Variants in SPINK2 observed in about 807,000 individuals in gnomAD.
The protein encoded by SPINK2 is serine peptidase inhibitor Kazal type 2.
Under a neutral mutation model 13.5 loss-of-function variants are expected in SPINK2, and 8 were observed. That is an observed-to-expected ratio of 0.59 (90% CI 0.35 to 1.07). The LOEUF (loss-of-function observed/expected upper bound fraction) is 1.07. Among genes scored for constraint, SPINK2 ranks in the 50% least tolerant of loss-of-function variants. The pLI is 0.02. For missense variants in SPINK2, 148 were observed against 180.3 expected, an observed-to-expected ratio of 0.82 and a Z score of 1.03; for synonymous variants, 76 against 74.7, an observed-to-expected ratio of 1.02 and a Z score of -0.09.
rs1364815458 is a variant in SPINK2 at position 56,810,306 on chromosome 4, AT to A, written c.360-123del. 40 of 809,512 alleles carry A rather than the reference AT, an allele frequency of 4.9e-5. 1 individual carries two copies. In the South Asian group the frequency reaches 7.0e-4, roughly 14 times the overall value. 50.1% of individuals were successfully genotyped at this position (809,512 alleles called of 1,614,324 possible). A position where few individuals can be genotyped will look rare whatever the true frequency, so the allele number is the denominator to read the frequency against. ...TTAGATTCCTTCCACAGCTACACTT[AT>A]TTAATCATTTTTTAAGCTAAATCTA... On this transcript the variant is annotated intron_variant, in intron 3 of 3. Coordinates refer to ENST00000506738, the MANE Select transcript of SPINK2 (RefSeq NM_001271718.2).
At position 56,811,675 on chromosome 4, in the gene SPINK2, A is replaced by T. The variant is rs1376963012; in HGVS notation, c.359+10T>A. ...AACTTGGCTAGTCTACAGCTGTAAA[A>T]TCATGTTACCTGATTTTCATGCACA... On this transcript the variant is annotated intron_variant, in intron 3 of 3. Transcript: ENST00000506738. 1 of 1,572,778 alleles carries T rather than the reference A, an allele frequency of 6.4e-7. No individual in the cohort carries two copies. Among genetic ancestry groups the T allele is most frequent in the Non-Finnish European group, 8.7e-7 (1 of 1,153,272 alleles).
intron 1 of SPINK2, among the ~76,000 whole-genome samples, chr4:56,821,103 C>A (rs1717898459): frequency 6.6e-6 from 1 of 152,242 alleles, no homozygotes; most frequent in Admixed American, 6.5e-5. Context: ...AAGGAAGTAA[C>A]CCTTAATTAA....
chr4:56,810,993 T>C (rs1358093133), intron 3 of SPINK2, among the ~76,000 whole-genome samples: 1 of 152,174 alleles, frequency 6.6e-6, no homozygotes, highest in Non-Finnish European at 1.5e-5. Flanking sequence ...GCAGAGTCAG[T>C]AAGTCCCACT....
At chr4:56,821,114 T>C (rs1717899186) in intron 1 of SPINK2, among the ~76,000 whole-genome samples, 1 of 152,356 alleles carries the variant, frequency 6.6e-6, no homozygotes, top group South Asian at 2.1e-4. Context: ...CCTTAATTAA[T>C]AGTTCATGAT....
At chr4:56,819,719 G>C (rs1717771448) in intron 2 of SPINK2, among the ~76,000 whole-genome samples, 1 of 151,346 alleles carries the variant, frequency 6.6e-6, no homozygotes, top group African/African-American at 2.4e-5. Flanking sequence ...AGGTTCAAGT[G>C]ATTCTCCTGC....
rs1717889533 is a variant in SPINK2, at chr4:56,820,947, A to ATT, written c.206-370_206-369dup. Reference sequence around the variant, plus strand: ...AGAAATAACATTTGGTTCTGTTCCCATTAGGGTTGGTTGAGAAAGGACTTT... The same window carrying ATT: ...AGAAATAACATTTGGTTCTGTTCCCATTTTAGGGTTGGTTGAGAAAGGACTTT... On this transcript the variant is annotated intron_variant, in intron 1 of 3. Transcript: ENST00000506738. 4.6e-5 allele frequency among the ~76,000 whole-genome samples: 7 copies of ATT among 152,278 alleles called. No individual in the cohort carries two copies. In the South Asian group the frequency reaches 1.4e-3, roughly 32 times the overall value.
Position 56,810,041 on chromosome 4 carries a change from T to C in SPINK2, c.*98A>G, listed in dbSNP as rs568686856. The C allele has an allele frequency of 1.4e-5, 22 of 1,537,530 alleles. No homozygotes were observed. The highest frequency in any genetic ancestry group is 8.7e-5 in the South Asian group (7 of 80,708). On this transcript the variant is annotated 3_prime_UTR_variant, in exon 4 of 4. Transcript: ENST00000506738. ...AGAAAATGTGTGTTAACAAATCTCA[T>C]GTAAAGAAACACAGGAAAAGAGAAA...
intron 2 of SPINK2, among the ~76,000 whole-genome samples, chr4:56,814,829 T>C (rs1019375437): frequency 6.6e-6 from 1 of 151,146 alleles, no homozygotes; most frequent in African/African-American, 2.4e-5. Flanking sequence ...GACATGGTGG[T>C]GGGCGCCTGT....
At chr4:56,821,434 A>G in intron 1 of SPINK2, 24 bp downstream of exon 1, 1 of 1,493,832 alleles carries the variant, frequency 6.7e-7, no homozygotes, top group Middle Eastern at 2.4e-4. Flanking sequence ...CCACCCCCAC[A>G]ACCCCCAGTT....
intron 2 of SPINK2, among the ~76,000 whole-genome samples, chr4:56,814,642 C>T (rs1468692365): frequency 6.6e-6 from 1 of 151,652 alleles, no homozygotes; most frequent in Non-Finnish European, 1.5e-5. Flanking sequence ...AAAGGAACCT[C>T]CAAAACTCTT....
At chr4:56,813,583 G>A (rs1170636532) in intron 2 of SPINK2, among the ~76,000 whole-genome samples, 1 of 151,864 alleles carries the variant, frequency 6.6e-6, no homozygotes, top group Non-Finnish European at 1.5e-5. Flanking sequence ...TGTGACATGG[G>A]CATGTGAGGA....
At position 56,821,634 on chromosome 4, in the gene SPINK2, A is replaced by C. The variant is rs1054693437; in HGVS notation, c.29T>G (p.Leu10Arg). The C allele has an allele frequency of 4.5e-6, 7 of 1,547,626 alleles. No homozygotes were observed. In the African/African-American group the frequency reaches 9.6e-5, roughly 21 times the overall value. MALSVLRLA[L>R]LLLAVTFAGS... ...TGCGAAGGTAACTGCCAGGAGCAGC[A>C]GCGCCAAGCGCAGCACCGACAGCGC... is the stretch of plus-strand genomic sequence containing the variant. The change falls in exon 1 of 4, where the codon CTG (leucine) becomes CGG (arginine). Residue 10 changes from leucine (L) to arginine (R), a missense_variant. Transcript: ENST00000506738.
intron 3 of SPINK2, 58 bp from the exon 4 acceptor site, chr4:56,810,242 A>C: frequency 6.9e-7 from 1 of 1,457,526 alleles, no homozygotes; most frequent in Non-Finnish European, 9.5e-7. Context: ...AAACTGTCTC[A>C]TTATTTGTGT....
Position 56,810,098 on chromosome 4 carries a change from T to C in SPINK2, c.*41A>G. On this transcript the variant is annotated 3_prime_UTR_variant, in exon 4 of 4. Coordinates refer to ENST00000506738, the MANE Select transcript of SPINK2 (RefSeq NM_001271718.2). Reference sequence around the variant, plus strand: ...AAATGCAATTTATCTAGTCTGCCAGTGAAGGTGGTCTCTCCATCTTCTTTT... The same window carrying C: ...AAATGCAATTTATCTAGTCTGCCAGCGAAGGTGGTCTCTCCATCTTCTTTT... 7 of 1,581,102 alleles carry C rather than the reference T, an allele frequency of 4.4e-6. No homozygotes were observed. The highest frequency in any genetic ancestry group is 6.0e-6 in the Non-Finnish European group (7 of 1,163,142).
In SPINK2 at chr4:56,810,114, A is replaced by G. The variant is rs1210009983; in HGVS notation, c.*25T>C. The G allele has an allele frequency of 3.1e-6, 5 of 1,599,326 alleles. No individual in the cohort carries two copies. Among genetic ancestry groups the G allele is most frequent in the Non-Finnish European group, 4.3e-6 (5 of 1,172,434 alleles). ...GTCTGCCAGTGAAGGTGGTCTCTCC[A>G]TCTTCTTTTCTGTAAACTGCTCCAT... On this transcript the variant is annotated 3_prime_UTR_variant, in exon 4 of 4. Coordinates refer to ENST00000506738, the MANE Select transcript of SPINK2 (RefSeq NM_001271718.2).
At chr4:56,812,256 T>C (rs1469074917) in intron 2 of SPINK2, among the ~76,000 whole-genome samples, 3 of 151,324 alleles carry the variant, frequency 2.0e-5, no homozygotes. Context: ...ATACATATTA[T>C]GTAAAAAAAG....
intron 1 of SPINK2, chr4:56,821,197 TAA>T: frequency 3.6e-6 from 2 of 559,732 alleles, no homozygotes; most frequent in Non-Finnish European, 4.5e-6. Flanking sequence ...AACTCCATTT[TAA>T]GAGAGGTGTC....
At chr4:56,818,563 A>G (rs1717650437) in intron 2 of SPINK2, among the ~76,000 whole-genome samples, 1 of 152,124 alleles carries the variant, frequency 6.6e-6, no homozygotes, top group Non-Finnish European at 1.5e-5. Flanking sequence ...CGGGAGGCTA[A>G]GGCAGAAGAA....
At chr4:56,816,269 G>A (rs1013227998) in intron 2 of SPINK2, among the ~76,000 whole-genome samples, 1 of 151,576 alleles carries the variant, frequency 6.6e-6, no homozygotes, top group African/African-American at 2.4e-5. Context: ...AACATCTCTA[G>A]GGCCAGGCAT....
Sources: gnomAD v4.1 joint callset for allele counts (sites outside exome capture counted in the v4.1 genomes callset) on GRCh38, gnomAD v4.1.1 for gene constraint, MANE v1.5 for transcripts, NCBI Gene and HGNC (gene_info 2026-07-23, HGNC 2026-07-21) for gene names.